Variants in CARMIL1 observed in about 807,000 individuals in gnomAD.
CARMIL1 encodes F-actin-uncapping protein LRRC16A.
In CARMIL1, 90 loss-of-function variants were observed where a neutral mutation model predicts 177.1. That is an observed-to-expected ratio of 0.51 (90% confidence interval 0.43 to 0.61). The LOEUF (loss-of-function observed/expected upper bound fraction) is 0.61. CARMIL1 is among the 20% of genes least tolerant of loss of function. CARMIL1 has a pLI of 0.00. For missense variants in CARMIL1, 1,380 were observed against 1,667.0 expected, an observed-to-expected ratio of 0.83 and a Z score of 3.00; for synonymous variants, 577 against 606.2, an observed-to-expected ratio of 0.95 and a Z score of 0.71.
At chr6:25,423,963 A>G (rs4632883) in intron 3 of CARMIL1, among the ~76,000 whole-genome samples, 141,336 of 152,046 alleles carry the variant, frequency 0.93, 65,764 homozygotes, top group East Asian at 1. Context: ...GGGTTGGAGT[A>G]GAGTGGATGA....
At chr6:25,459,210 T>TTTTTTCTTTCTTTCTTTCTTTCTTTC (rs1554200785) in intron 8 of CARMIL1, among the ~76,000 whole-genome samples, 2 of 80,134 alleles carry the variant, frequency 2.5e-5, no homozygotes, top group South Asian at 1.1e-3. Context: ...GATCCCAACT[T>TTTTTTCTTTCTTTCTTTCTTTCTTTC]TTTCTTTCTT....
chr6:25,327,300 G>A (rs1473932104), intron 2 of CARMIL1, among the ~76,000 whole-genome samples: 1 of 152,156 alleles, frequency 6.6e-6, no homozygotes, highest in Non-Finnish European at 1.5e-5. Context: ...AGAAAACCAG[G>A]AAACTGGTTT....
chr6:25,479,130 A>AC lies in CARMIL1; in HGVS notation c.875-3126dup, dbSNP rs760580515. The AC allele has an allele frequency of 7.7e-6, 4 of 518,864 alleles. No homozygotes were observed. In the Admixed American group the frequency reaches 7.8e-5, roughly 10 times the overall value. 32.1% of individuals were successfully genotyped at this position (518,864 alleles called of 1,614,324 possible). A position where few individuals can be genotyped will look rare whatever the true frequency, so the allele number is the denominator to read the frequency against. ...CAGAAACCACTACCAAGATCAAGAG[A>AC]CAGAATGTTCCCACCGTTCTCCAGA... is the stretch of plus-strand genomic sequence containing the variant. On this transcript the variant is annotated intron_variant, in intron 11 of 36. Coordinates refer to ENST00000329474, the MANE Select transcript of CARMIL1 (RefSeq NM_017640.6).
chr6:25,478,362 G>T (rs535387106), intron 11 of CARMIL1, among the ~76,000 whole-genome samples: 1 of 152,182 alleles, frequency 6.6e-6, no homozygotes, highest in South Asian at 2.1e-4. Flanking sequence ...AGTGTTCTTG[G>T]ACAAGTTACC....
chr6:25,407,444 G>T (rs879867087), intron 2 of CARMIL1, among the ~76,000 whole-genome samples: 1 of 152,070 alleles, frequency 6.6e-6, no homozygotes, highest in Non-Finnish European at 1.5e-5. Flanking sequence ...AAGAGGAGGG[G>T]GTGGGTACAG....
intron 16 of CARMIL1, 144 bp from the exon 17 acceptor site, chr6:25,500,022 T>G (rs1432597352): frequency 7.6e-6 from 5 of 660,170 alleles, no homozygotes; most frequent in Non-Finnish European, 1.3e-5. Context: ...GTTGGCATTT[T>G]AAAAAGTAAG....
At chr6:25,450,081 T>C (rs1288811770) in intron 6 of CARMIL1, 86 bp downstream of exon 6, 1 of 1,122,632 alleles carries the variant, frequency 8.9e-7, no homozygotes, top group African/African-American at 1.6e-5. Flanking sequence ...AGTGTGCTAC[T>C]GTAAAGGTGC....
At chr6:25,375,877 G>T (rs1790920315) in intron 2 of CARMIL1, among the ~76,000 whole-genome samples, 1 of 151,944 alleles carries the variant, frequency 6.6e-6, no homozygotes, top group Admixed American at 6.6e-5. Context: ...AAAATTTTTT[G>T]TTCATACTGT....
At chr6:25,426,618 C>T in intron 4 of CARMIL1, 58 bp downstream of exon 4, 1 of 1,488,014 alleles carries the variant, frequency 6.7e-7, no homozygotes, top group Non-Finnish European at 9.3e-7. Flanking sequence ...TCTTGAAACC[C>T]TAAAATGTTC....
intron 2 of CARMIL1, among the ~76,000 whole-genome samples, chr6:25,379,660 AC>A (rs1421060563): frequency 3.9e-5 from 6 of 152,144 alleles, no homozygotes; most frequent in Admixed American, 3.9e-4. Flanking sequence ...TGAAATGGGT[AC>A]AGGTCAGGGT....
intron 2 of CARMIL1, among the ~76,000 whole-genome samples, chr6:25,385,339 C>T (rs780370825): frequency 5.3e-5 from 8 of 152,106 alleles, no homozygotes; most frequent in Non-Finnish European, 7.4e-5. Flanking sequence ...AGTCTATGAA[C>T]GGGATTCGAA....
chr6:25,510,789 A>G (rs1418047788), intron 20 of CARMIL1, 27 bp downstream of exon 20: 2 of 1,351,536 alleles, frequency 1.5e-6, no homozygotes, highest in Non-Finnish European at 2.1e-6. Context: ...ACTTTTTACT[A>G]AAATCTTCTG....
Position 25,443,552 on chromosome 6 carries a change from C to A in CARMIL1, c.372-6346C>A, listed in dbSNP as rs533062838. ...CTATGGGTTTGGTTCCAGACCATTG[C>A]AATAAAGTGAGTCAAGAACTTTTTG... On this transcript the variant is annotated intron_variant, in intron 5 of 36. Coordinates refer to ENST00000329474, the MANE Select transcript of CARMIL1 (RefSeq NM_017640.6). 7.2e-5 allele frequency among the ~76,000 whole-genome samples: 11 copies of A among 152,214 alleles called. 2 individuals carry two copies. The South Asian group carries it at 1.5e-3, about 20-fold the overall frequency.
chr6:25,435,252 A>C (rs1407685636), intron 4 of CARMIL1, among the ~76,000 whole-genome samples: 1 of 152,214 alleles, frequency 6.6e-6, no homozygotes, highest in Non-Finnish European at 1.5e-5. Context: ...TATTTTAAGA[A>C]AGTGCTTCTT....
chr6:25,581,213 G>GT (rs767702368), intron 30 of CARMIL1, 30 bp from the exon 31 acceptor site: 7 of 1,584,726 alleles, frequency 4.4e-6, no homozygotes, highest in Middle Eastern at 1.7e-4. Context: ...GCCTTGGGCT[G>GT]TTTTTTTGTT....
chr6:25,609,633 T>TACAC (rs914355756), intron 35 of CARMIL1, among the ~76,000 whole-genome samples: 2 of 152,220 alleles, frequency 1.3e-5, no homozygotes, highest in African/African-American at 4.8e-5. Context: ...CATGCATGCA[T>TACAC]ACACATACAC....
chr6:25,504,369 T>G (rs978781513), intron 17 of CARMIL1, among the ~76,000 whole-genome samples: 3 of 152,186 alleles, frequency 2.0e-5, no homozygotes, highest in African/African-American at 4.8e-5. Context: ...CCTTTCCTAA[T>G]AAGTTGGCTT....
intron 31 of CARMIL1, among the ~76,000 whole-genome samples, chr6:25,586,189 C>G (rs1813652330): frequency 6.7e-6 from 1 of 149,426 alleles, no homozygotes; most frequent in African/African-American, 2.5e-5. Context: ...ACGCTCCTCA[C>G]TTCCCGGACG....
At chr6:25,364,085 A>G (rs1306672046) in intron 2 of CARMIL1, among the ~76,000 whole-genome samples, 2 of 151,722 alleles carry the variant, frequency 1.3e-5, no homozygotes, top group Non-Finnish European at 2.9e-5. Flanking sequence ...AGCTATGACC[A>G]CAGGCATGCA....
Sources: allele counts gnomAD v4.1 joint callset (sites outside exome capture counted in the v4.1 genomes callset), GRCh38; gene constraint gnomAD v4.1.1; transcripts MANE v1.5; gene names NCBI Gene and HGNC (gene_info 2026-07-23, HGNC 2026-07-21).